LDLRAD3: variants seen among roughly 807,000 people sequenced by gnomAD.
The protein encoded by LDLRAD3 is low-density lipoprotein receptor class A domain-containing protein 3.
LDLRAD3 carries 20 observed loss-of-function variants against 29.4 expected under a neutral mutation model. The ratio of observed to expected loss-of-function variants is 0.68; its 90% confidence interval spans 0.48 to 0.99. LDLRAD3 has a LOEUF of 0.99. Ranked by LOEUF, LDLRAD3 falls within the 50% of genes least tolerant of loss-of-function variation. LDLRAD3 has a pLI of 0.00. For missense variants in LDLRAD3, 420 were observed against 454.3 expected (o/e 0.92, Z 0.69); for synonymous variants, 157 against 192.7 (o/e 0.81, Z 1.53).
intron 4 of LDLRAD3, among the ~76,000 whole-genome samples, chr11:36,153,457 T>C (rs1456493074): frequency 6.6e-6 from 1 of 152,090 alleles, no homozygotes; most frequent in Non-Finnish European, 1.5e-5. Flanking sequence ...GTTGGGGGTA[T>C]CTCTGCTTTC....
At chr11:36,055,990 CTTTTT>C (rs67731567) in intron 2 of LDLRAD3, among the ~76,000 whole-genome samples, 1 of 95,352 alleles carries the variant, frequency 1.0e-5, no homozygotes, top group Non-Finnish European at 1.9e-5. Context: ...ACAGCTTGCC[CTTTTT>C]TTTTTTTTTT....
In LDLRAD3 at chr11:36,124,514, G is replaced by A. The variant is rs76444815; in HGVS notation, c.454+26053G>A. ...GTAGCCTGGTGATTCCCTTAACCACGGCTCTCCCAACTGGGCTCTGCAAGG... is the reference window on the plus strand; with the variant it reads ...GTAGCCTGGTGATTCCCTTAACCACAGCTCTCCCAACTGGGCTCTGCAAGG... On this transcript the variant is annotated intron_variant, in intron 4 of 5. Transcript: ENST00000315571. 7.6e-3 allele frequency among the ~76,000 whole-genome samples: 1,157 copies of A among 152,068 alleles called. 11 individuals are homozygous for A. The highest frequency in any genetic ancestry group is 0.026 in the African/African-American group (1,090 of 41,472).
intron 3 of LDLRAD3, among the ~76,000 whole-genome samples, chr11:36,084,416 CA>C (rs1468476110): frequency 6.6e-6 from 1 of 152,108 alleles, no homozygotes; most frequent in Admixed American, 6.6e-5. Flanking sequence ...CCCAGGAGTT[CA>C]AGGTCAGCCT....
At chr11:36,110,216 T>G (rs1398803328) in intron 4 of LDLRAD3, 1 of 152,270 alleles carries the variant, frequency 6.6e-6, no homozygotes, top group Non-Finnish European at 1.5e-5. Flanking sequence ...TCAGAATGAT[T>G]CTGTACTCAA....
intron 1 of LDLRAD3, among the ~76,000 whole-genome samples, chr11:35,954,981 C>G (rs574885981): frequency 6.6e-6 from 1 of 152,060 alleles, no homozygotes; most frequent in Non-Finnish European, 1.5e-5. Flanking sequence ...AGTATTAGGC[C>G]GGGTGCACTG....
At chr11:36,227,456 G>A in intron 5 of LDLRAD3, 26 bp downstream of exon 5, 1 of 1,485,620 alleles carries the variant, frequency 6.7e-7, no homozygotes, top group Non-Finnish European at 9.0e-7. Flanking sequence ...AAGAGATTGA[G>A]GCGGGAGAGG....
chr11:36,047,114 T>C (rs551801733), intron 2 of LDLRAD3, among the ~76,000 whole-genome samples: 1 of 152,298 alleles, frequency 6.6e-6, no homozygotes, highest in African/African-American at 2.4e-5. Context: ...CCAGCCCTGT[T>C]TGGGACCTGG....
chr11:35,966,148 C>T (rs1851338358), intron 1 of LDLRAD3, among the ~76,000 whole-genome samples: 1 of 152,182 alleles, frequency 6.6e-6, no homozygotes, highest in African/African-American at 2.4e-5. Context: ...AAAATGCAGG[C>T]TGGGCGCAGT....
intron 4 of LDLRAD3, among the ~76,000 whole-genome samples, chr11:36,154,298 C>T (rs945919354): frequency 7.2e-5 from 11 of 152,180 alleles, no homozygotes; most frequent in African/African-American, 2.2e-4. Context: ...CTGATGTACC[C>T]AGCCTGCGGG....
chr11:36,032,982 C>T (rs2133207311), intron 1 of LDLRAD3, among the ~76,000 whole-genome samples: 1 of 152,038 alleles, frequency 6.6e-6, no homozygotes, highest in Non-Finnish European at 1.5e-5. Context: ...TCAAGCGATT[C>T]TCCTGCCTCA....
At position 36,011,135 on chromosome 11, in the gene LDLRAD3, ACTTT is replaced by A. The variant is rs1851950788; in HGVS notation, c.47-24964_47-24961del. ...TAGTAATTCTTACATTCCATTTCTT[ACTTT>A]CTTCTGTGGCATTTATGACTTCCAA... On this transcript the variant is annotated intron_variant, in intron 1 of 5. Transcript: ENST00000315571. Among the ~76,000 whole-genome samples, 4 of 152,180 alleles carry A rather than the reference ACTTT, an allele frequency of 2.6e-5. No individual in the cohort carries two copies. In the South Asian group the frequency reaches 8.3e-4, roughly 32 times the overall value.
chr11:36,079,165 C>T (rs1853069953), intron 2 of LDLRAD3, among the ~76,000 whole-genome samples: 4 of 152,232 alleles, frequency 2.6e-5, no homozygotes. Context: ...GCAGCGGCCA[C>T]TCTGAACAGC....
chr11:36,129,784 C>A (rs1471475685), intron 4 of LDLRAD3, among the ~76,000 whole-genome samples: 1 of 152,172 alleles, frequency 6.6e-6, no homozygotes, highest in African/African-American at 2.4e-5. Flanking sequence ...CCCAATCCAC[C>A]CACCTCCTCT....
chr11:36,097,108 C>T (rs569853788), intron 3 of LDLRAD3, among the ~76,000 whole-genome samples: 9 of 152,240 alleles, frequency 5.9e-5, no homozygotes, highest in Admixed American at 1.3e-4. Context: ...CTTAAGGGGA[C>T]GGCCCAGATC....
intron 2 of LDLRAD3, among the ~76,000 whole-genome samples, chr11:36,078,885 A>G (rs765516369): frequency 6.6e-6 from 1 of 152,186 alleles, no homozygotes; most frequent in Non-Finnish European, 1.5e-5. Flanking sequence ...AACCCCACAC[A>G]AATGAACCTG....
chr11:35,997,932 G>A (rs1395470217), intron 1 of LDLRAD3, among the ~76,000 whole-genome samples: 1 of 152,224 alleles, frequency 6.6e-6, no homozygotes, highest in African/African-American at 2.4e-5. Flanking sequence ...GGCTGAAGAT[G>A]TCGGGTTTCT....
intron 4 of LDLRAD3, among the ~76,000 whole-genome samples, chr11:36,108,350 A>G (rs914370355): frequency 2.1e-5 from 3 of 139,796 alleles, no homozygotes; most frequent in Non-Finnish European, 4.6e-5. Context: ...AAAAAAAAAG[A>G]TGCATTCCAG....
intron 4 of LDLRAD3, among the ~76,000 whole-genome samples, chr11:36,140,822 CA>C (rs1854070903): frequency 6.6e-6 from 1 of 152,082 alleles, no homozygotes; most frequent in African/African-American, 2.4e-5. Context: ...GGTTGCAAAA[CA>C]AACTGAAGAA....
At chr11:36,164,251 T>C (rs1854484625) in intron 4 of LDLRAD3, among the ~76,000 whole-genome samples, 1 of 152,222 alleles carries the variant, frequency 6.6e-6, no homozygotes, top group Non-Finnish European at 1.5e-5. Flanking sequence ...TTGGGTTTGC[T>C]CATCACAAGC....
Sources: allele counts gnomAD v4.1 joint callset (sites outside exome capture counted in the v4.1 genomes callset), GRCh38; gene constraint gnomAD v4.1.1; transcripts MANE v1.5; gene names NCBI Gene and HGNC (gene_info 2026-07-23, HGNC 2026-07-21).